The following CRB1 variants were observed in gnomAD, a reference collection of about 807,000 sequenced individuals.
CRB1 encodes crumbs cell polarity complex component 1, also known as protein crumbs homolog 1.
CRB1 carries 83 observed loss-of-function variants against 120.0 expected under a neutral mutation model. That is an observed-to-expected ratio of 0.69 (90% CI 0.58 to 0.83). The LOEUF (loss-of-function observed/expected upper bound fraction) is 0.83, where lower values mean the gene tolerates loss of function less well. Ranked by LOEUF, CRB1 falls within the 40% of genes least tolerant of loss-of-function variation. The pLI is 0.00. For missense variants in CRB1, 1,699 were observed against 1,687.6 expected, an observed-to-expected ratio of 1.01 and a Z score of -0.12; for synonymous variants, 625 against 612.5, an observed-to-expected ratio of 1.02 and a Z score of -0.30.
chr1:197,427,556 G>A lies in CRB1; in HGVS notation c.2231G>A (p.Arg744Gln), dbSNP rs530046423. 53 of 1,613,746 alleles carry A rather than the reference G, an allele frequency of 3.3e-5. No homozygotes were observed. Among genetic ancestry groups the A allele is most frequent in the East Asian group, 6.7e-5 (3 of 44,860 alleles). ...GDTISLSMFV[R>Q]TLQPSGLLLA... ...ACCATCAGCCTCTCCATGTTTGTCCGAACGCTTCAACCATCAGGCTTACTT... is the reference window on the plus strand; with the variant it reads ...ACCATCAGCCTCTCCATGTTTGTCCAAACGCTTCAACCATCAGGCTTACTT... Residue 744 changes from arginine (R) to glutamine (Q), a missense_variant, in exon 7 of 12, where the codon CGA becomes CAA. Transcript: ENST00000367400.
the CRB1 span, among the ~76,000 whole-genome samples, chr1:197,247,388 CATA>C: frequency 6.6e-6 from 1 of 152,038 alleles, no homozygotes; most frequent in East Asian, 1.9e-4. Context: ...CCATAAGAGT[CATA>C]AACAGCAAGT....
chr1:197,344,525 G>T (rs1270318823), intron 3 of CRB1, 49 bp downstream of exon 3: 1 of 1,553,818 alleles, frequency 6.4e-7, no homozygotes. Flanking sequence ...CCCTGACCAT[G>T]AACTATTTTA....
At chr1:197,227,502 T>C in the CRB1 span, among the ~76,000 whole-genome samples, 3 of 151,792 alleles carry the variant, frequency 2.0e-5, no homozygotes, top group South Asian at 2.1e-4. Context: ...TTTGACTCCA[T>C]GTCTCACATC....
chr1:197,350,418 C>T (rs577184058), intron 4 of CRB1, among the ~76,000 whole-genome samples: 1 of 152,288 alleles, frequency 6.6e-6, no homozygotes, highest in African/African-American at 2.4e-5. Context: ...AAATTCTATA[C>T]CATGAGGTGG....
At chr1:197,475,900 T>C (rs1183364552) in intron 11 of CRB1, among the ~76,000 whole-genome samples, 1 of 152,050 alleles carries the variant, frequency 6.6e-6, no homozygotes, top group African/African-American at 2.4e-5. Context: ...TCTTCTTGCG[T>C]TTTATGTTTT....
chr1:197,300,896 T>C (rs1656823081), intron 1 of CRB1, among the ~76,000 whole-genome samples: 1 of 152,110 alleles, frequency 6.6e-6, no homozygotes, highest in Admixed American at 6.6e-5. Context: ...CTAGGCCCCT[T>C]ACAAATGGTG....
Position 197,427,697 on chromosome 1 carries a change from G to A in CRB1, c.2372G>A (p.Gly791Glu). The part of the protein sequence containing the change: ...KLVVKFVLND[G>E]NVHLISLKIK... The stretch of plus-strand genomic sequence containing the variant: ...GTAGTAAAATTTGTTCTTAATGATG[G>A]AAATGTCCACTTGATATCTTTGAAA... Residue 791 changes from glycine to glutamate, a missense_variant, in exon 7 of 12, where the codon GGA (glycine) becomes GAA (glutamate). Physicochemically the swap from Gly to Glu is moderately conservative, Grantham distance 98. Transcript: ENST00000367400. 6.2e-7 allele frequency: 1 copy of A among 1,613,884 alleles called. No individual in the cohort carries two copies. Among genetic ancestry groups the A allele is most frequent in the Non-Finnish European group, 8.5e-7 (1 of 1,179,942 alleles).
chr1:197,427,664 C>T lies in CRB1; in HGVS notation c.2339C>T (p.Pro780Leu), dbSNP rs1481310279. The T allele has an allele frequency of 6.2e-7, 1 of 1,613,776 alleles. No individual in the cohort carries two copies. Among genetic ancestry groups the T allele is most frequent in the African/African-American group, 1.3e-5 (1 of 74,978 alleles). ...CTAGCAATGCTGACTCCAAACTCTCCCAAATTAGTAGTAAAATTTGTTCTT... is the reference window on the plus strand; with the variant it reads ...CTAGCAATGCTGACTCCAAACTCTCTCAAATTAGTAGTAAAATTTGTTCTT... ...GRLAMLTPNS[P>L]KLVVKFVLND... Residue 780 changes from proline to leucine, a missense_variant, in exon 7 of 12, where the codon CCC (proline) becomes CTC (leucine). Pro to Leu is a moderately conservative substitution (Grantham distance 98). Transcript: ENST00000367400.
At chr1:197,365,865 G>A (rs957522148) in intron 5 of CRB1, among the ~76,000 whole-genome samples, 5 of 151,914 alleles carry the variant, frequency 3.3e-5, no homozygotes, top group Admixed American at 6.6e-5. Context: ...GTCCTGGGGC[G>A]TCTAACCAGT....
rs115462307 is a variant in CRB1, at chr1:197,308,018, G to C, written c.71-20404G>C. On this transcript the variant is annotated intron_variant, in intron 1 of 11. Transcript: ENST00000367400. ...GTTCATTGCTTCACTATTCACAATAGTAAATACATGGAATCAATCCAAGTA... is the reference window on the plus strand; with the variant it reads ...GTTCATTGCTTCACTATTCACAATACTAAATACATGGAATCAATCCAAGTA... 3.0e-3 allele frequency among the ~76,000 whole-genome samples: 451 copies of C among 152,182 alleles called. 1 individual carries two copies. The highest frequency in any genetic ancestry group is 0.01 in the African/African-American group (431 of 41,518).
chr1:197,322,574 G>A (rs556458417), intron 1 of CRB1, among the ~76,000 whole-genome samples: 11 of 151,560 alleles, frequency 7.3e-5, no homozygotes, highest in South Asian at 2.1e-4. Context: ...TTTGTTTTTC[G>A]TTGTTAACAT....
At chr1:197,466,803 A>G (rs1234215503) in intron 11 of CRB1, among the ~76,000 whole-genome samples, 1 of 152,202 alleles carries the variant, frequency 6.6e-6, no homozygotes, top group Non-Finnish European at 1.5e-5. Flanking sequence ...CTAGCTGAAG[A>G]AAGTTGGAAA....
At position 197,442,326 on chromosome 1, in the gene CRB1, T is replaced by C. The variant is rs770169562; in HGVS notation, c.4005+34T>C. ...CCTCTCCTTTTATGTCTCTCTCTTATTCTGGCAGAATCTTTTTCAGCTTCT... is the reference window on the plus strand; with the variant it reads ...CCTCTCCTTTTATGTCTCTCTCTTACTCTGGCAGAATCTTTTTCAGCTTCT... On this transcript the variant is annotated intron_variant, in intron 11 of 11. Transcript: ENST00000367400. The C allele has an allele frequency of 1.5e-5, 25 of 1,613,976 alleles. No homozygotes were observed. In the East Asian group the frequency reaches 5.6e-4, roughly 36 times the overall value.
intron 4 of CRB1, among the ~76,000 whole-genome samples, chr1:197,353,526 T>C (rs1026596867): frequency 3.3e-5 from 5 of 152,168 alleles, no homozygotes; most frequent in African/African-American, 9.6e-5. Context: ...TTTAAAAATA[T>C]GAGGTGGCTC....
the CRB1 span, among the ~76,000 whole-genome samples, chr1:197,246,714 A>G: frequency 5.3e-5 from 8 of 152,236 alleles, no homozygotes; most frequent in Admixed American, 4.6e-4. Flanking sequence ...AGAATTACAT[A>G]AAATTCAAAA....
At chr1:197,341,341 G>C (rs1659447095) in intron 2 of CRB1, among the ~76,000 whole-genome samples, 1 of 152,136 alleles carries the variant, frequency 6.6e-6, no homozygotes, top group Non-Finnish European at 1.5e-5. Flanking sequence ...TCAGGAGTTT[G>C]AGACCAGCCT....
chr1:197,352,247 A>G (rs1478575468), intron 4 of CRB1, among the ~76,000 whole-genome samples: 2 of 152,360 alleles, frequency 1.3e-5, no homozygotes, highest in Admixed American at 1.3e-4. Context: ...CTATTTATAT[A>G]CATGGTTAAA....
intron 11 of CRB1, among the ~76,000 whole-genome samples, chr1:197,446,531 G>A (rs998318948): frequency 6.6e-6 from 1 of 152,168 alleles, no homozygotes; most frequent in East Asian, 1.9e-4. Context: ...TTCATCATAA[G>A]AGAAATGGAG....
At chr1:197,279,835 CTTT>C (rs58204645) in intron 1 of CRB1, among the ~76,000 whole-genome samples, 1 of 142,586 alleles carries the variant, frequency 7.0e-6, no homozygotes, top group South Asian at 2.2e-4. Context: ...TCTCTAAAGC[CTTT>C]TTTTTTTTTT....
Sources: allele counts gnomAD v4.1 joint callset (sites outside exome capture counted in the v4.1 genomes callset), GRCh38; gene constraint gnomAD v4.1.1; transcripts MANE v1.5; gene names NCBI Gene and HGNC (gene_info 2026-07-23, HGNC 2026-07-21).